Variants in SMYD3 observed in about 807,000 individuals in gnomAD.
SMYD3 encodes the protein SET and MYND domain containing 3, also known as histone-lysine N-methyltransferase SMYD3.
SMYD3 carries 36 observed loss-of-function variants against 57.7 expected under a neutral mutation model. That is an observed-to-expected ratio of 0.62 (90% CI 0.48 to 0.82). The LOEUF is 0.82. Among genes scored for constraint, SMYD3 ranks in the 40% least tolerant of loss-of-function variants. SMYD3 has a pLI of 0.00. For missense variants in SMYD3, 515 were observed against 538.8 expected (o/e 0.96, Z 0.44); for synonymous variants, 211 against 195.0 (o/e 1.08, Z -0.68).
intron 5 of SMYD3, among the ~76,000 whole-genome samples, chr1:246,013,109 G>C (rs1489028131): frequency 6.6e-6 from 1 of 152,166 alleles, no homozygotes; most frequent in East Asian, 1.9e-4. Flanking sequence ...CTTTAAATAG[G>C]AGAAAAGTGC....
chr1:245,892,282 T>C (rs542831331), intron 8 of SMYD3, among the ~76,000 whole-genome samples: 6 of 152,320 alleles, frequency 3.9e-5, no homozygotes, highest in Non-Finnish European at 8.8e-5. Flanking sequence ...TTTCCCCAGA[T>C]CATTCAATAA....
intron 5 of SMYD3, among the ~76,000 whole-genome samples, chr1:245,957,297 G>A (rs182550365): frequency 7.8e-4 from 118 of 152,240 alleles, no homozygotes; most frequent in African/African-American, 2.4e-3. Flanking sequence ...ACACACAATA[G>A]AAGTAAAAAT....
At chr1:245,809,624 A>C (rs1176979601) in intron 10 of SMYD3, among the ~76,000 whole-genome samples, 1 of 152,242 alleles carries the variant, frequency 6.6e-6, no homozygotes, top group Non-Finnish European at 1.5e-5. Context: ...TAGATTCCCA[A>C]GTAAAGGCTG....
chr1:245,997,213 G>C (rs1301927244), intron 5 of SMYD3, among the ~76,000 whole-genome samples: 1 of 152,220 alleles, frequency 6.6e-6, no homozygotes, highest in Admixed American at 6.5e-5. Flanking sequence ...GAAGCAAAAG[G>C]AACAGGAGAA....
At chr1:246,099,748 T>C (rs891738639) in intron 5 of SMYD3, among the ~76,000 whole-genome samples, 1 of 152,202 alleles carries the variant, frequency 6.6e-6, no homozygotes, top group African/African-American at 2.4e-5. Context: ...AAAGACCTTC[T>C]CATGGCCTTT....
rs146733267 is a variant in SMYD3, at chr1:246,113,620, A to C, written c.532-183683T>G. The C allele has an allele frequency of 1.7e-3, 261 of 152,338 alleles. 2 individuals carry two copies. Among genetic ancestry groups the C allele is most frequent in the African/African-American group, 6.0e-3 (248 of 41,582 alleles). The allele number at this position is 152,338 out of a possible 1,614,324, so 9.4% of individuals were successfully genotyped here. ...AGAGAGTATCTTCTAAAGTCCTTGA[A>C]TGGGAAAGCCGTAGTTTATCACGTC... On this transcript the variant is annotated intron_variant, in intron 5 of 11. Coordinates refer to ENST00000490107, the MANE Select transcript of SMYD3 (RefSeq NM_001167740.2).
chr1:246,247,352 T>G (rs2063720588), intron 5 of SMYD3, among the ~76,000 whole-genome samples: 1 of 142,766 alleles, frequency 7.0e-6, no homozygotes, highest in Admixed American at 7.2e-5. Context: ...ATTAAATAAT[T>G]ATTTATAACG....
At chr1:246,330,427 T>A in intron 4 of SMYD3, 53 bp downstream of exon 4, 1 of 1,416,478 alleles carries the variant, frequency 7.1e-7, no homozygotes, top group South Asian at 1.4e-5. Context: ...ATTCACCAAC[T>A]CAGCAAACAA....
intron 5 of SMYD3, among the ~76,000 whole-genome samples, chr1:246,215,626 C>T (rs887148919): frequency 2.6e-5 from 4 of 152,168 alleles, no homozygotes; most frequent in Non-Finnish European, 2.9e-5. Context: ...GGATCACTCT[C>T]AGTGGCCATC....
chr1:246,470,710 T>C lies in SMYD3; in HGVS notation c.164+36344A>G, dbSNP rs1312978156. On this transcript the variant is annotated intron_variant, in intron 1 of 11. Coordinates refer to ENST00000490107, the MANE Select transcript of SMYD3 (RefSeq NM_001167740.2). Reference sequence around the variant, plus strand: ...GTGCATATGTATGTGCATATATATATACATACACACAAAAAAAATCCTACA... The same window carrying C: ...GTGCATATGTATGTGCATATATATACACATACACACAAAAAAAATCCTACA... Among the ~76,000 whole-genome samples, 25 of 151,470 alleles carry C rather than the reference T, an allele frequency of 1.7e-4. 1 individual carries two copies. In the South Asian group the frequency reaches 5.2e-3, roughly 32 times the overall value.
intron 10 of SMYD3, among the ~76,000 whole-genome samples, chr1:245,814,012 G>A (rs1304233887): frequency 1.3e-5 from 2 of 151,500 alleles, no homozygotes; most frequent in African/African-American, 4.9e-5. Flanking sequence ...TTAAATGACA[G>A]CAAAATTTTA....
intron 10 of SMYD3, among the ~76,000 whole-genome samples, chr1:245,773,163 A>C (rs2046409137): frequency 6.6e-6 from 1 of 152,120 alleles, no homozygotes; most frequent in South Asian, 2.1e-4. Context: ...AACAAACAAA[A>C]AAACAGAAAA....
chr1:246,415,599 A>AT (rs1318003959), intron 1 of SMYD3, among the ~76,000 whole-genome samples: 1 of 151,956 alleles, frequency 6.6e-6, no homozygotes, highest in African/African-American at 2.4e-5. Flanking sequence ...TTGCTCACTT[A>AT]TTTTTTTAAA....
chr1:245,754,704 A>C (rs1011454377), intron 11 of SMYD3, among the ~76,000 whole-genome samples: 2 of 152,206 alleles, frequency 1.3e-5, no homozygotes, highest in Admixed American at 1.3e-4. Flanking sequence ...CCGCTGGAGG[A>C]ATATGTCCTT....
At chr1:246,274,979 G>C (rs554429434) in intron 5 of SMYD3, among the ~76,000 whole-genome samples, 1 of 152,240 alleles carries the variant, frequency 6.6e-6, no homozygotes, top group South Asian at 2.1e-4. Flanking sequence ...CCTCACAGTT[G>C]TTCCTGCTAC....
chr1:246,256,044 G>A (rs923610729), intron 5 of SMYD3, among the ~76,000 whole-genome samples: 2 of 151,832 alleles, frequency 1.3e-5, no homozygotes, highest in Admixed American at 1.3e-4. Context: ...ATATAAACGG[G>A]AGTTTGTTAA....
At chr1:245,971,542 C>T (rs568241655) in intron 5 of SMYD3, among the ~76,000 whole-genome samples, 13 of 152,184 alleles carry the variant, frequency 8.5e-5, no homozygotes, top group Admixed American at 2.0e-4. Flanking sequence ...AGAACGCACA[C>T]GCTCTCGTCT....
chr1:245,866,037 A>G (rs2051818355), intron 8 of SMYD3, among the ~76,000 whole-genome samples: 1 of 152,172 alleles, frequency 6.6e-6, no homozygotes, highest in South Asian at 2.1e-4. Flanking sequence ...CATACTCTAG[A>G]CATCCCCCTG....
chr1:246,384,620 C>T (rs2148757504), intron 1 of SMYD3, among the ~76,000 whole-genome samples: 1 of 152,270 alleles, frequency 6.6e-6, no homozygotes, highest in South Asian at 2.1e-4. Context: ...TGTTGTCAAA[C>T]TCCTCACCTC....
Sources: allele counts gnomAD v4.1 joint callset (sites outside exome capture counted in the v4.1 genomes callset), GRCh38; gene constraint gnomAD v4.1.1; transcripts MANE v1.5; gene names NCBI Gene and HGNC (gene_info 2026-07-23, HGNC 2026-07-21).